OTUD7A: variants seen among roughly 807,000 people sequenced by gnomAD.
OTUD7A encodes OTU deubiquitinase 7A, also known as OTU domain-containing protein 7A.
Under a neutral mutation model 65.7 loss-of-function variants are expected in OTUD7A, and 12 were observed. That is an observed-to-expected ratio of 0.18 (90% CI 0.12 to 0.30). The LOEUF (loss-of-function observed/expected upper bound fraction) is 0.30, where lower values mean the gene tolerates loss of function less well. Among genes scored for constraint, OTUD7A ranks in the 10% least tolerant of loss-of-function variants. OTUD7A has a pLI of 1.00. For missense variants in OTUD7A, 1,148 were observed against 1,304.8 expected, an observed-to-expected ratio of 0.88 and a Z score of 1.85; for synonymous variants, 641 against 586.3, an observed-to-expected ratio of 1.09 and a Z score of -1.35.
At chr15:31,593,280 A>T (rs1371466752) in intron 3 of OTUD7A, among the ~76,000 whole-genome samples, 1 of 151,920 alleles carries the variant, frequency 6.6e-6, no homozygotes, top group Non-Finnish European at 1.5e-5. Flanking sequence ...CAGGACCTAC[A>T]TCTCCTATTG....
At chr15:31,697,632 G>A (rs528207823) in intron 1 of OTUD7A, among the ~76,000 whole-genome samples, 1 of 152,134 alleles carries the variant, frequency 6.6e-6, no homozygotes, top group South Asian at 2.1e-4. Context: ...GGACATTTCT[G>A]AGTGTCTCCT....
At chr15:31,815,178 A>G (rs1595788357) in intron 1 of OTUD7A, among the ~76,000 whole-genome samples, 2 of 152,286 alleles carry the variant, frequency 1.3e-5, no homozygotes, top group South Asian at 2.1e-4. Context: ...AATCTATGCA[A>G]TGTGGAAACT....
intron 1 of OTUD7A, among the ~76,000 whole-genome samples, chr15:31,819,924 C>T (rs1471791281): frequency 1.3e-5 from 2 of 152,052 alleles, no homozygotes; most frequent in African/African-American, 2.4e-5. Flanking sequence ...GGTATACAGG[C>T]ATTTTAAATA....
intron 3 of OTUD7A, among the ~76,000 whole-genome samples, chr15:31,576,635 A>G (rs1473892153): frequency 6.6e-6 from 1 of 152,204 alleles, no homozygotes; most frequent in Non-Finnish European, 1.5e-5. Flanking sequence ...ACATGCACTC[A>G]GGATCTCCTG....
chr15:31,563,186 A>G (rs1888750844), intron 4 of OTUD7A, among the ~76,000 whole-genome samples: 1 of 152,140 alleles, frequency 6.6e-6, no homozygotes, highest in East Asian at 1.9e-4. Context: ...CCCCTGTACC[A>G]GGAGGATAAG....
chr15:31,777,782 G>A (rs1282561320), intron 1 of OTUD7A, among the ~76,000 whole-genome samples: 1 of 152,166 alleles, frequency 6.6e-6, no homozygotes, highest in East Asian at 1.9e-4. Context: ...GGGAGTTCTG[G>A]GGGCAGCCCA....
chr15:31,642,201 T>C (rs961063784), intron 3 of OTUD7A, among the ~76,000 whole-genome samples: 2 of 152,248 alleles, frequency 1.3e-5, no homozygotes, highest in African/African-American at 4.8e-5. Context: ...AGTATGTTAA[T>C]ATGGAAAATT....
chr15:31,660,489 T>C (rs1012293378), intron 1 of OTUD7A, among the ~76,000 whole-genome samples: 28 of 152,226 alleles, frequency 1.8e-4, no homozygotes, highest in African/African-American at 6.5e-4. Context: ...TCTGGGAAGG[T>C]TGGTTCTGCC....
intron 3 of OTUD7A, among the ~76,000 whole-genome samples, chr15:31,577,030 G>T (rs191746506): frequency 1.8e-4 from 28 of 152,236 alleles, no homozygotes; most frequent in African/African-American, 6.0e-4. Flanking sequence ...GTAGCAATGA[G>T]ATACCAAATT....
intron 10 of OTUD7A, among the ~76,000 whole-genome samples, chr15:31,489,212 T>A (rs1201206384): frequency 6.6e-6 from 1 of 152,160 alleles, no homozygotes; most frequent in Non-Finnish European, 1.5e-5. Context: ...TTTCCCAGAA[T>A]AGAGCAGTGC....
chr15:31,497,459 A>G (rs567413084), intron 10 of OTUD7A, among the ~76,000 whole-genome samples: 70 of 152,226 alleles, frequency 4.6e-4, no homozygotes, highest in Non-Finnish European at 7.9e-4. Flanking sequence ...CATGTTGCCC[A>G]GACTGGTCTT....
rs55709390 is a variant in OTUD7A, at chr15:31,726,054, GTTT to G, written c.-99-68980_-99-68978del. Among the ~76,000 whole-genome samples, 1,302 of 146,878 alleles carry G rather than the reference GTTT, an allele frequency of 8.9e-3. 17 individuals are homozygous for G. Among genetic ancestry groups the G allele is most frequent in the African/African-American group, 0.029 (1,179 of 40,186 alleles). On this transcript the variant is annotated intron_variant, in intron 1 of 12. Coordinates refer to ENST00000307050, the MANE Select transcript of OTUD7A (RefSeq NM_001382637.1). ...AGTCCTCAACCCTGAGCCAGACAGA[GTTT>G]TTTTTTTTTTTTGGTTCTGCTTTTC...
rs564409236 is a variant in OTUD7A, at chr15:31,484,833, C to T, written c.1372-109G>A. On this transcript the variant is annotated intron_variant, in intron 12 of 12. Transcript: ENST00000307050. This position sits in a 1 kb window ranked among gnomAD's most constrained non-coding sequence, Gnocchi z 4.5. ...TGTTGCCGAGGCTAGGGCCCTGGACCTTCACTGTCCCAGTCCCCACTGTCG... is the reference window on the plus strand; with the variant it reads ...TGTTGCCGAGGCTAGGGCCCTGGACTTTCACTGTCCCAGTCCCCACTGTCG... 1 of 1,475,654 alleles carries T rather than the reference C, an allele frequency of 6.8e-7. No individual in the cohort carries two copies. Among genetic ancestry groups the T allele is most frequent in the South Asian group, 1.4e-5 (1 of 73,602 alleles). 91.4% of individuals were successfully genotyped at this position (1,475,654 alleles called of 1,614,324 possible).
intron 5 of OTUD7A, among the ~76,000 whole-genome samples, chr15:31,532,401 A>C (rs1887652574): frequency 6.6e-6 from 1 of 152,232 alleles, no homozygotes; most frequent in Non-Finnish European, 1.5e-5. Context: ...GGGACTGAAA[A>C]ATACAACTCT....
At position 31,483,721 on chromosome 15, in the gene OTUD7A, G is replaced by T; in HGVS notation, c.2375C>A (p.Ala792Glu). The T allele has an allele frequency of 8.8e-7, 1 of 1,134,032 alleles. No individual in the cohort carries two copies. The highest frequency in any genetic ancestry group is 4.7e-5 in the East Asian group (1 of 21,206). The allele number at this position is 1,134,032 out of a possible 1,614,324, so 70.2% of individuals were successfully genotyped here. ...CGGCCGCAGCGCCCCCACGGCCGGC[G>T]CGCACGCCTCGTCCCGCGCGCCCGA... ...QASGARDEACAPAVGALRPCA... is the reference protein window; with the variant it reads ...QASGARDEACEPAVGALRPCA... Residue 792 changes from alanine to glutamate, a missense_variant, in exon 13 of 13, where the codon GCG becomes GAG. Coordinates refer to ENST00000307050, the MANE Select transcript of OTUD7A (RefSeq NM_001382637.1).
At chr15:31,866,578 AAACT>A (rs942304889) in intron 1 of OTUD7A, among the ~76,000 whole-genome samples, 4 of 152,228 alleles carry the variant, frequency 2.6e-5, no homozygotes, top group Non-Finnish European at 5.9e-5. Flanking sequence ...TCTCACACAC[AAACT>A]TTTTGGGAGA....
intron 3 of OTUD7A, among the ~76,000 whole-genome samples, chr15:31,610,655 T>A (rs1890389099): frequency 1.7e-5 from 2 of 119,622 alleles, no homozygotes; most frequent in South Asian, 6.1e-4. Context: ...GGAGTCTCAC[T>A]CTGTTGCCCA....
intron 3 of OTUD7A, among the ~76,000 whole-genome samples, chr15:31,606,830 C>T (rs1255077296): frequency 6.6e-6 from 1 of 152,172 alleles, no homozygotes; most frequent in Non-Finnish European, 1.5e-5. Flanking sequence ...ATAATGCTGA[C>T]ATTATATATC....
chr15:31,629,136 C>T (rs377299444), intron 3 of OTUD7A, among the ~76,000 whole-genome samples: 3 of 152,118 alleles, frequency 2.0e-5, no homozygotes, highest in East Asian at 3.9e-4. Context: ...TATGTTGAAT[C>T]GGAGTGGTGA....
Sources: gnomAD v4.1 joint callset for allele counts (sites outside exome capture counted in the v4.1 genomes callset) on GRCh38, gnomAD v4.1.1 for gene constraint, Gnocchi (gnomAD v3.1) non-coding constraint, MANE v1.5 for transcripts, NCBI Gene and HGNC (gene_info 2026-07-23, HGNC 2026-07-21) for gene names.